Variants in TSPAN14 observed in about 807,000 individuals in gnomAD.
The protein encoded by TSPAN14 is tetraspanin 14, also known as tetraspanin-14.
A neutral mutation model predicts 36.6 loss-of-function variants in TSPAN14; 16 were observed. The ratio of observed to expected loss-of-function variants is 0.44; its 90% CI spans 0.30 to 0.66. The LOEUF (loss-of-function observed/expected upper bound fraction) is 0.66. Ranked by LOEUF, TSPAN14 falls within the 30% of genes least tolerant of loss-of-function variation. TSPAN14 has a pLI of 0.12. For missense variants in TSPAN14, 231 were observed against 355.1 expected (o/e 0.65, Z 2.81); for synonymous variants, 139 against 143.8 (o/e 0.97, Z 0.24).
chr10:80,482,342 A>G (rs930657618), intron 1 of TSPAN14, among the ~76,000 whole-genome samples: 1 of 152,132 alleles, frequency 6.6e-6, no homozygotes, highest in Admixed American at 6.5e-5. Context: ...GCTGGAGTGC[A>G]CTGGCGCAAT....
chr10:80,463,639 A>G (rs1846092961), intron 1 of TSPAN14, among the ~76,000 whole-genome samples: 1 of 152,108 alleles, frequency 6.6e-6, no homozygotes, highest in Admixed American at 6.5e-5. Context: ...CCAGCTCTCT[A>G]TTGATGGATT....
chr10:80,490,504 G>C (rs1315483113), intron 2 of TSPAN14, among the ~76,000 whole-genome samples: 5 of 152,198 alleles, frequency 3.3e-5, no homozygotes. Flanking sequence ...CTTTAAAGTA[G>C]AAAGGCACAG....
Position 80,494,575 on chromosome 10 carries a change from C to T in TSPAN14, c.81+5261C>T, listed in dbSNP as rs553263539. On this transcript the variant is annotated intron_variant, in intron 2 of 8. Transcript: ENST00000429989. Reference sequence around the variant, plus strand: ...CTCTTCCTCTGACTTTTATTATGCTCCTCTTTATAGAGGACTTGCCACCTC... The same window carrying T: ...CTCTTCCTCTGACTTTTATTATGCTTCTCTTTATAGAGGACTTGCCACCTC... Among the ~76,000 whole-genome samples, 3 of 152,246 alleles carry T rather than the reference C, an allele frequency of 2.0e-5. No homozygotes were observed. The South Asian group carries it at 6.2e-4, about 32-fold the overall frequency.
rs759535196 is a variant in TSPAN14 at position 80,509,357 on chromosome 10, C to T, written c.336C>T (p.Ala112=). Residue 112 remains alanine (A), a synonymous_variant, in exon 5 of 9, where the codon GCC becomes GCT. Transcript: ENST00000429989. The surrounding 1 kb of genome is among the most constrained non-coding windows in gnomAD (Gnocchi z 4.7). ...TGGAGCTGGCTGTGGCCGTGCTGGCCTTCCTGTTCCAGGACTGGGTGAGGG... is the reference window on the plus strand; with the variant it reads ...TGGAGCTGGCTGTGGCCGTGCTGGCTTTCCTGTTCCAGGACTGGGTGAGGG... The T allele has an allele frequency of 6.2e-7, 1 of 1,614,166 alleles. No homozygotes were observed. The highest frequency in any genetic ancestry group is 1.7e-5 in the Admixed American group (1 of 60,026).
chr10:80,470,905 G>A (rs1019041251), intron 1 of TSPAN14, among the ~76,000 whole-genome samples: 3 of 152,164 alleles, frequency 2.0e-5, no homozygotes, highest in Non-Finnish European at 4.4e-5. Flanking sequence ...GTCAGTCTCG[G>A]GGTGAAACAG....
chr10:80,471,462 T>C (rs1846546256), intron 1 of TSPAN14, among the ~76,000 whole-genome samples: 1 of 151,970 alleles, frequency 6.6e-6, no homozygotes, highest in East Asian at 1.9e-4. Context: ...GGGCCCAGAC[T>C]CTCCACGTTT....
chr10:80,487,933 C>G (rs188321677), intron 1 of TSPAN14, among the ~76,000 whole-genome samples: 3 of 152,150 alleles, frequency 2.0e-5, no homozygotes, highest in African/African-American at 7.2e-5. Context: ...GTTTCATGTC[C>G]CTTCTTGGCA....
intron 6 of TSPAN14, among the ~76,000 whole-genome samples, chr10:80,512,817 C>A (rs1329104598): frequency 1.3e-5 from 2 of 152,122 alleles, no homozygotes; most frequent in Non-Finnish European, 2.9e-5. Context: ...CCTCAGCCTC[C>A]TGAGTAGCTG....
chr10:80,476,409 G>GTT (rs60589813), intron 1 of TSPAN14, among the ~76,000 whole-genome samples: 1,114 of 84,978 alleles, frequency 0.013, 37 homozygotes, highest in African/African-American at 0.027. Flanking sequence ...TTGTTTTACT[G>GTT]TTTTTTTTTT....
intron 1 of TSPAN14, among the ~76,000 whole-genome samples, chr10:80,475,848 G>C (rs1846844220): frequency 6.6e-6 from 1 of 152,190 alleles, no homozygotes; most frequent in South Asian, 2.1e-4. Context: ...GCCTCCCAGA[G>C]TGCTGGGATT....
At chr10:80,498,720 T>C (rs779678751) in intron 2 of TSPAN14, among the ~76,000 whole-genome samples, 3 of 152,210 alleles carry the variant, frequency 2.0e-5, no homozygotes, top group Non-Finnish European at 4.4e-5. Context: ...CGGGAGGGCA[T>C]GGCCACCTTG....
intron 8 of TSPAN14, 92 bp downstream of exon 8, chr10:80,516,415 T>C (rs1246107234): frequency 6.4e-7 from 1 of 1,574,564 alleles, no homozygotes; most frequent in East Asian, 2.2e-5. Context: ...AGTTTGGGTA[T>C]GGTATTAAGG....
At chr10:80,510,612 C>T (rs139142334) in intron 5 of TSPAN14, among the ~76,000 whole-genome samples, 3,150 of 152,310 alleles carry the variant, frequency 0.021, 114 homozygotes, top group African/African-American at 0.071. Context: ...CGGTGACTCA[C>T]GCCTGTAATC....
exon 9 of TSPAN14, chr10:80,521,095 T>C (rs146235717): frequency 3.2e-6 from 1 of 308,356 alleles, no homozygotes; most frequent in Non-Finnish European, 6.3e-6. Flanking sequence ...GTGGAATTTC[T>C]CTGGGAGATT....
At chr10:80,513,479 C>T (rs1425776683) in intron 6 of TSPAN14, among the ~76,000 whole-genome samples, 4 of 152,186 alleles carry the variant, frequency 2.6e-5, no homozygotes, top group African/African-American at 7.2e-5. Context: ...GAGGTCTCCA[C>T]TGCGACTGTG....
chr10:80,513,959 C>G (rs1319119713), intron 6 of TSPAN14, 60 bp from the exon 7 acceptor site: 20 of 1,480,982 alleles, frequency 1.4e-5, no homozygotes, highest in Non-Finnish European at 1.8e-5. Flanking sequence ...TTTACTAGAG[C>G]CTCTTAGCAC....
Position 80,509,817 on chromosome 10 carries a change from G to A in TSPAN14, c.450+346G>A, listed in dbSNP as rs933412728. 7 of 223,176 alleles carry A rather than the reference G, an allele frequency of 3.1e-5. No homozygotes were observed. Among genetic ancestry groups the A allele is most frequent in the East Asian group, 1.2e-4 (1 of 8,456 alleles). 13.8% of individuals were successfully genotyped at this position (223,176 alleles called of 1,614,324 possible). A position where few individuals can be genotyped will look rare whatever the true frequency, so the allele number is the denominator to read the frequency against. ...CAATCCTCCTTAGGCGCTGCATACC[G>A]TAAGGCACAGCTTCTTCCCCCCGGC... On this transcript the variant is annotated intron_variant, in intron 5 of 8. Transcript: ENST00000429989. This position sits in a 1 kb window ranked among gnomAD's most constrained non-coding sequence, Gnocchi z 4.7.
At chr10:80,456,508 A>G (rs1309186185) in intron 1 of TSPAN14, among the ~76,000 whole-genome samples, 1 of 152,194 alleles carries the variant, frequency 6.6e-6, no homozygotes, top group Non-Finnish European at 1.5e-5. Flanking sequence ...GCCGGGGAGC[A>G]GGAAAGCCCT....
intron 1 of TSPAN14, among the ~76,000 whole-genome samples, chr10:80,488,098 G>C (rs1291009052): frequency 6.6e-6 from 1 of 152,146 alleles, no homozygotes; most frequent in Non-Finnish European, 1.5e-5. Context: ...GTCTCCTTTC[G>C]CCTTGGGCTG....
Sources: gnomAD v4.1 joint callset for allele counts (sites outside exome capture counted in the v4.1 genomes callset) on GRCh38, gnomAD v4.1.1 for gene constraint, Gnocchi (gnomAD v3.1) non-coding constraint, MANE v1.5 for transcripts, NCBI Gene and HGNC (gene_info 2026-07-23, HGNC 2026-07-21) for gene names.